SLC25A43: variants seen among roughly 807,000 people sequenced by gnomAD.
SLC25A43 encodes solute carrier family 25, member 43.
A neutral mutation model predicts 22.8 loss-of-function variants in SLC25A43; 10 were observed. That is an observed-to-expected ratio of 0.44 (90% confidence interval 0.27 to 0.74). SLC25A43 has a LOEUF of 0.74. Ranked by LOEUF, SLC25A43 falls within the 30% of genes least tolerant of loss-of-function variation. The pLI, the probability that SLC25A43 is intolerant of heterozygous loss-of-function variation, is 0.17. For synonymous variants in SLC25A43, 106 were observed against 121.6 expected (o/e 0.87, Z 0.84); for missense variants, 233 against 279.1 (o/e 0.83, Z 1.18).
chrX:119,447,084 G>C (rs968021088), intron 3 of SLC25A43, among the ~76,000 whole-genome samples: 1 of 110,886 alleles, frequency 9.0e-6, no homozygotes, highest in Admixed American at 9.6e-5. Flanking sequence ...TTCCTGAGTA[G>C]CTGGGATTAC....
chrX:119,422,568 A>G (rs2052463523), intron 3 of SLC25A43, among the ~76,000 whole-genome samples: 1 of 112,472 alleles, frequency 8.9e-6, no homozygotes, highest in South Asian at 3.6e-4. Flanking sequence ...CATGTAGCAG[A>G]CATCTAATAC....
intron 3 of SLC25A43, among the ~76,000 whole-genome samples, chrX:119,450,711 A>G (rs1003985665): frequency 5.4e-5 from 6 of 110,180 alleles, no homozygotes; most frequent in African/African-American, 2.0e-4. Flanking sequence ...TAAACATTTC[A>G]GAAACAAACC....
intron 3 of SLC25A43, among the ~76,000 whole-genome samples, chrX:119,429,876 C>T: frequency 8.9e-6 from 1 of 111,993 alleles, no homozygotes; most frequent in East Asian, 2.8e-4. Flanking sequence ...TAGAGGAAGG[C>T]AGGAGCAAGG....
At chrX:119,416,398 T>C in intron 3 of SLC25A43, among the ~76,000 whole-genome samples, 1 of 111,195 alleles carries the variant, frequency 9.0e-6, no homozygotes, top group Non-Finnish European at 1.9e-5. Flanking sequence ...TTTTTGTATT[T>C]TTAGTAGAGA....
At chrX:119,410,385 TA>T (rs2052339312) in intron 3 of SLC25A43, 23 bp downstream of exon 3, 2 of 1,203,193 alleles carry the variant, frequency 1.7e-6, no homozygotes, top group Non-Finnish European at 2.2e-6. Context: ...CAGAGTGGGG[TA>T]GGGGGTGGAA....
intron 3 of SLC25A43, among the ~76,000 whole-genome samples, chrX:119,429,811 T>C (rs143745674): frequency 3.5e-3 from 388 of 111,989 alleles, no homozygotes; most frequent in Non-Finnish European, 5.5e-3. Context: ...ATGATGTTTA[T>C]TCTGATCAAT....
chrX:119,413,018 C>T (rs186950596), intron 3 of SLC25A43, among the ~76,000 whole-genome samples: 1 of 109,492 alleles, frequency 9.1e-6, no homozygotes, highest in East Asian at 2.9e-4. Flanking sequence ...ACTTGGGAGA[C>T]TGAAGCAGGA....
chrX:119,432,108 G>A (rs1472813675), intron 3 of SLC25A43, among the ~76,000 whole-genome samples: 2 of 104,123 alleles, frequency 1.9e-5, no homozygotes, highest in African/African-American at 7.0e-5. Context: ...AGCCGAGATC[G>A]CTCCAAAAAA....
chrX:119,431,568 AAAAG>A (rs2052552596), intron 3 of SLC25A43, among the ~76,000 whole-genome samples: 2 of 111,808 alleles, frequency 1.8e-5, no homozygotes, highest in Non-Finnish European at 3.8e-5. Flanking sequence ...AGAAAGAAGA[AAAAG>A]AAAGCACTCA....
chrX:119,445,919 G>A (rs964220563), intron 3 of SLC25A43, among the ~76,000 whole-genome samples: 1 of 110,119 alleles, frequency 9.1e-6, no homozygotes, highest in Non-Finnish European at 1.9e-5. Flanking sequence ...TTGGGAGGCC[G>A]AGGCAGGAGG....
At chrX:119,428,851 G>C (rs143491956) in intron 3 of SLC25A43, among the ~76,000 whole-genome samples, 1 of 110,780 alleles carries the variant, frequency 9.0e-6, no homozygotes, top group African/African-American at 3.3e-5. Flanking sequence ...TGAGCTGTGC[G>C]TGCAAGGGAC....
intron 4 of SLC25A43, among the ~76,000 whole-genome samples, chrX:119,452,419 C>T (rs1277209827): frequency 9.2e-6 from 1 of 108,620 alleles, no homozygotes; most frequent in African/African-American, 3.4e-5. Context: ...AACCTAACCC[C>T]TCATCCTAAA....
chrX:119,407,279 G>A lies in SLC25A43; in HGVS notation c.517+578G>A, dbSNP rs1364962394. Among the ~76,000 whole-genome samples, 6 of 111,152 alleles carry A rather than the reference G, an allele frequency of 5.4e-5. No individual in the cohort carries two copies. In the East Asian group the frequency reaches 1.7e-3, roughly 32 times the overall value. On this transcript the variant is annotated intron_variant, in intron 2 of 4. Coordinates refer to ENST00000217909, the MANE Select transcript of SLC25A43 (RefSeq NM_145305.3). ...CCATCTGGGTCGTCTGATACTGCCA[G>A]CCCCTACATGTTGCTCTTCCCCTGG...
At chrX:119,448,383 AC>A (rs201527556) in intron 3 of SLC25A43, among the ~76,000 whole-genome samples, 1 of 109,088 alleles carries the variant, frequency 9.2e-6, no homozygotes, top group Admixed American at 9.9e-5. Flanking sequence ...TCTATTCATA[AC>A]CCCCCCCAGT....
At chrX:119,426,298 G>A (rs1376400613) in intron 3 of SLC25A43, 5 of 706,181 alleles carry the variant, frequency 7.1e-6, no homozygotes, top group Admixed American at 1.8e-4. Context: ...ACTCCCGCGT[G>A]AACTTGTGTA....
At chrX:119,419,033 G>A (rs2052430741) in intron 3 of SLC25A43, among the ~76,000 whole-genome samples, 1 of 112,315 alleles carries the variant, frequency 8.9e-6, no homozygotes, top group Non-Finnish European at 1.9e-5. Flanking sequence ...TGTGCACCCC[G>A]AATAAGAACC....
rs777897175 is a variant in SLC25A43, at chrX:119,429,732, CA to C, written c.690+19371del. 2.7e-5 allele frequency among the ~76,000 whole-genome samples: 3 copies of C among 111,728 alleles called. No homozygotes were observed. In the East Asian group the frequency reaches 8.4e-4, roughly 31 times the overall value. ...TGTTAAGTGCCATGAAGGAGAAGCACAGGGTGACTGAAAGTGTTCAGTAGGC... is the reference window on the plus strand; with the variant it reads ...TGTTAAGTGCCATGAAGGAGAAGCACGGGTGACTGAAAGTGTTCAGTAGGC... On this transcript the variant is annotated intron_variant, in intron 3 of 4. Transcript: ENST00000217909.
intron 1 of SLC25A43, among the ~76,000 whole-genome samples, chrX:119,405,191 A>C (rs892106589): frequency 2.7e-5 from 3 of 112,308 alleles, no homozygotes; most frequent in Non-Finnish European, 5.6e-5. Context: ...TGTATGTTTA[A>C]AAGCAGCTGA....
intron 4 of SLC25A43, 72 bp from the exon 5 acceptor site, chrX:119,452,793 C>T: frequency 1.2e-6 from 1 of 855,111 alleles, no homozygotes; most frequent in Non-Finnish European, 1.7e-6. Flanking sequence ...TACCCTGATC[C>T]AAGTTGACTG....
Sources: allele counts gnomAD v4.1 joint callset (sites outside exome capture counted in the v4.1 genomes callset), GRCh38; gene constraint gnomAD v4.1.1; transcripts MANE v1.5; gene names NCBI Gene and HGNC (gene_info 2026-07-23, HGNC 2026-07-21).